Variants in TNFRSF10A observed in about 807,000 individuals in gnomAD.
The protein encoded by TNFRSF10A is tumor necrosis factor receptor superfamily member 10A.
In TNFRSF10A, 44 loss-of-function variants were observed where a neutral mutation model predicts 42.8. That is an observed-to-expected ratio of 1.03 (90% confidence interval 0.81 to 1.32). The LOEUF (loss-of-function observed/expected upper bound fraction) is 1.32, where lower values mean the gene tolerates loss of function less well. TNFRSF10A is among the 40% of genes most tolerant of loss of function. The probability of loss-of-function intolerance (pLI) is 0.00; values close to 1 mark genes in which losing one functional copy is unlikely to be tolerated. For synonymous variants in TNFRSF10A, 259 were observed against 234.2 expected (o/e 1.11, Z -0.97); for missense variants, 680 against 602.0 (o/e 1.13, Z -1.36).
chr8:23,197,607 T>C (rs1212660224), intron 8 of TNFRSF10A, among the ~76,000 whole-genome samples: 1 of 152,194 alleles, frequency 6.6e-6, no homozygotes, highest in African/African-American at 2.4e-5. Flanking sequence ...TGATAAGTTG[T>C]ATAATTATTT....
At chr8:23,217,772 G>T (rs1801204892) in intron 1 of TNFRSF10A, among the ~76,000 whole-genome samples, 1 of 152,182 alleles carries the variant, frequency 6.6e-6, no homozygotes, top group African/African-American at 2.4e-5. Flanking sequence ...TAGAAACGCT[G>T]TGCAAGGAAT....
chr8:23,206,729 A>C (rs1801018725), intron 2 of TNFRSF10A, among the ~76,000 whole-genome samples: 1 of 152,212 alleles, frequency 6.6e-6, no homozygotes, highest in Non-Finnish European at 1.5e-5. Context: ...TAAAAAAATT[A>C]TAAAAGAATA....
In TNFRSF10A at chr8:23,191,645, T is replaced by C. The variant is rs565446378; in HGVS notation, c.*49A>G. ...TGTTAAAAAAAAAAAAAACCTAATATGTATTAACTCCTAACACCTAAGAGG... is the reference window on the plus strand; with the variant it reads ...TGTTAAAAAAAAAAAAAACCTAATACGTATTAACTCCTAACACCTAAGAGG... On this transcript the variant is annotated 3_prime_UTR_variant, in exon 10 of 10. Coordinates refer to ENST00000221132, the MANE Select transcript of TNFRSF10A (RefSeq NM_003844.4). 9 of 1,503,340 alleles carry C rather than the reference T, an allele frequency of 6.0e-6. No homozygotes were observed. The Admixed American group carries it at 7.5e-5, about 13-fold the overall frequency. The allele number at this position is 1,503,340 out of a possible 1,614,324, so 93.1% of individuals were successfully genotyped here.
At chr8:23,223,320 C>A (rs1462717272) in intron 1 of TNFRSF10A, among the ~76,000 whole-genome samples, 1 of 152,236 alleles carries the variant, frequency 6.6e-6, no homozygotes, top group Non-Finnish European at 1.5e-5. Context: ...CCGCCTCGGC[C>A]TCCCAGAGTG....
intron 3 of TNFRSF10A, among the ~76,000 whole-genome samples, chr8:23,202,418 G>A (rs1346394273): frequency 1.3e-5 from 2 of 152,228 alleles, no homozygotes; most frequent in Admixed American, 1.3e-4. Flanking sequence ...TCTTTGTGCT[G>A]TAATGATGCC....
intron 9 of TNFRSF10A, among the ~76,000 whole-genome samples, chr8:23,194,334 T>C (rs1800794896): frequency 6.6e-6 from 1 of 152,260 alleles, no homozygotes; most frequent in Non-Finnish European, 1.5e-5. Flanking sequence ...CAAGTTCATG[T>C]GACTTAAGTA....
At chr8:23,214,362 C>T (rs1277244650) in intron 1 of TNFRSF10A, among the ~76,000 whole-genome samples, 1 of 151,874 alleles carries the variant, frequency 6.6e-6, no homozygotes, top group African/African-American at 2.4e-5. Context: ...GTGGCGGGTG[C>T]CTGTAGTCCC....
At chr8:23,210,363 A>G (rs1801077689) in intron 2 of TNFRSF10A, among the ~76,000 whole-genome samples, 1 of 152,220 alleles carries the variant, frequency 6.6e-6, no homozygotes, top group Non-Finnish European at 1.5e-5. Context: ...ACAAAATACT[A>G]GCAAGTTGAA....
intron 2 of TNFRSF10A, among the ~76,000 whole-genome samples, chr8:23,208,318 A>G (rs1801046192): frequency 6.6e-6 from 1 of 152,216 alleles, no homozygotes; most frequent in Non-Finnish European, 1.5e-5. Context: ...CTAGGCAGCA[A>G]TGCATTCAAG....
chr8:23,221,084 C>T (rs1801249498), intron 1 of TNFRSF10A, among the ~76,000 whole-genome samples: 1 of 152,208 alleles, frequency 6.6e-6, no homozygotes, highest in Non-Finnish European at 1.5e-5. Flanking sequence ...GAACCTTCTG[C>T]CCCAAGCTCA....
At chr8:23,214,157 C>T (rs952025599) in intron 1 of TNFRSF10A, among the ~76,000 whole-genome samples, 1 of 151,946 alleles carries the variant, frequency 6.6e-6, no homozygotes, top group Non-Finnish European at 1.5e-5. Flanking sequence ...TCTAATTTCC[C>T]TTTTCATTTA....
Position 23,197,122 on chromosome 8 carries a change from A to C in TNFRSF10A, c.1087+10T>G, listed in dbSNP as rs78885531. On this transcript the variant is annotated intron_variant, in intron 9 of 9. Coordinates refer to ENST00000221132, the MANE Select transcript of TNFRSF10A (RefSeq NM_003844.4). ...CATTTCTGCTGCATCTCCAGGAGCA[A>C]AACACTTACTCTCAGTGGGGTCAGC... is the stretch of plus-strand genomic sequence containing the variant. 4,475 of 1,614,026 alleles carry C rather than the reference A, an allele frequency of 2.8e-3. 111 individuals carry two copies. In the African/African-American group the frequency reaches 0.054, roughly 19 times the overall value.
chr8:23,217,960 G>A (rs1440059210), intron 1 of TNFRSF10A, among the ~76,000 whole-genome samples: 1 of 152,182 alleles, frequency 6.6e-6, no homozygotes, highest in Non-Finnish European at 1.5e-5. Flanking sequence ...CACATAGAGG[G>A]AAAAGTCCAC....
chr8:23,224,589 C>G (rs1461572226), intron 1 of TNFRSF10A, 167 bp downstream of exon 1: 2 of 941,378 alleles, frequency 2.1e-6, no homozygotes, highest in Non-Finnish European at 3.1e-6. Flanking sequence ...CTGCCTGGCC[C>G]CGGGGACCCC....
chr8:23,205,874 G>A (rs2128849099), intron 2 of TNFRSF10A, among the ~76,000 whole-genome samples: 1 of 152,062 alleles, frequency 6.6e-6, no homozygotes, highest in South Asian at 2.1e-4. Flanking sequence ...CTGCCACCAT[G>A]CCCAGCTAAT....
intron 4 of TNFRSF10A, among the ~76,000 whole-genome samples, chr8:23,201,023 T>G (rs568850479): frequency 3.3e-4 from 51 of 152,252 alleles, no homozygotes; most frequent in African/African-American, 1.0e-3. Context: ...CACACACTAA[T>G]CTTCCCTGGG....
intron 2 of TNFRSF10A, among the ~76,000 whole-genome samples, chr8:23,209,340 C>T (rs189644169): frequency 6.6e-6 from 1 of 152,370 alleles, no homozygotes; most frequent in East Asian, 1.9e-4. Flanking sequence ...CACGGAGTCC[C>T]TACTGGGGCA....
At position 23,224,764 on chromosome 8, in the gene TNFRSF10A, GGACCCCGACGAC is replaced by G. The variant is rs757420004; in HGVS notation, c.286_297del (p.Val96_Val99del). The G allele has an allele frequency of 6.4e-7, 1 of 1,565,438 alleles. No homozygotes were observed. Among genetic ancestry groups the G allele is most frequent in the Non-Finnish European group, 8.7e-7 (1 of 1,154,902 alleles). ...CCGCGGTGGGGACTCACCTGCAGCA[GGACCCCGACGAC>G]GACAAACTTGAAGGTCTTGTGGACC... On this transcript the variant is annotated inframe_deletion, in exon 1 of 10. Transcript: ENST00000221132.
chr8:23,191,444 A>G lies in TNFRSF10A; in HGVS notation c.*250T>C. The G allele has an allele frequency of 1.7e-6, 1 of 581,542 alleles. No individual in the cohort carries two copies. The highest frequency in any genetic ancestry group is 3.0e-6 in the Non-Finnish European group (1 of 336,160). 36.0% of individuals were successfully genotyped at this position (581,542 alleles called of 1,614,324 possible). A position where few individuals can be genotyped will look rare whatever the true frequency, so the allele number is the denominator to read the frequency against. ...CTCCCGAGTAGCCGAGAATATATGC[A>G]CACACCATCACATCCAGTTAATTTT... On this transcript the variant is annotated 3_prime_UTR_variant, in exon 10 of 10. Transcript: ENST00000221132.
Sources: gnomAD v4.1 joint callset for allele counts (sites outside exome capture counted in the v4.1 genomes callset) on GRCh38, gnomAD v4.1.1 for gene constraint, MANE v1.5 for transcripts, NCBI Gene and HGNC (gene_info 2026-07-23, HGNC 2026-07-21) for gene names.